KIF5B: variants seen among roughly 807,000 people sequenced by gnomAD.
KIF5B encodes kinesin family member 5B, also known as kinesin-1 heavy chain.
Under a neutral mutation model 132.8 loss-of-function variants are expected in KIF5B, and 49 were observed. That is an observed-to-expected ratio of 0.37 (90% CI 0.29 to 0.47). The LOEUF (loss-of-function observed/expected upper bound fraction) is 0.47, where lower values mean the gene tolerates loss of function less well. Ranked by LOEUF, KIF5B falls within the 20% of genes least tolerant of loss-of-function variation. The pLI is 1.00. For synonymous variants in KIF5B, 355 were observed against 369.4 expected (o/e 0.96, Z 0.45); for missense variants, 780 against 1,144.0 (o/e 0.68, Z 4.59).
chr10:32,022,229 T>G lies in KIF5B; in HGVS notation c.1943A>C (p.Glu648Ala), dbSNP rs769666829. The change falls in exon 17 of 26, where the codon GAA (glutamate) becomes GCA (alanine). Residue 648 changes from glutamate to alanine, a missense_variant. Physicochemically the swap from Glu to Ala is moderately radical, Grantham distance 107 (BLOSUM62 -1). Transcript: ENST00000302418. The stretch of plus-strand genomic sequence containing the variant: ...CTTTTGTTCCACATTTTGAAGGTAT[T>G]CAGTCAATGACTTGATTTTGGCTTC... ...QHEAKIKSLT[E>A]YLQNVEQKKR... is the part of the protein sequence containing the mutation. 3 of 1,612,494 alleles carry G rather than the reference T, an allele frequency of 1.9e-6. No individual in the cohort carries two copies. The highest frequency in any genetic ancestry group is 4.5e-5 in the East Asian group (2 of 44,844).
At chr10:32,043,749 GCC>G (rs200285937) in intron 2 of KIF5B, among the ~76,000 whole-genome samples, 13,743 of 152,198 alleles carry the variant, frequency 0.09, 732 homozygotes, top group Non-Finnish European at 0.12. Context: ...AATGTTAATA[GCC>G]CTACATAAAA....
intron 10 of KIF5B, 110 bp downstream of exon 10, chr10:32,035,412 G>A (rs1476137827): frequency 1.1e-6 from 1 of 893,966 alleles, no homozygotes; most frequent in Non-Finnish European, 1.7e-6. Context: ...AACTGAGTGT[G>A]TCTAGCACAA....
intron 2 of KIF5B, among the ~76,000 whole-genome samples, chr10:32,041,429 A>T (rs1841537891): frequency 6.6e-6 from 1 of 152,212 alleles, no homozygotes; most frequent in Admixed American, 6.5e-5. Context: ...AAATGTCATT[A>T]CATCTACACT....
At position 32,055,699 on chromosome 10, in the gene KIF5B, C is replaced by T. The variant is rs1009368510; in HGVS notation, c.126+149G>A. 5 of 1,071,042 alleles carry T rather than the reference C, an allele frequency of 4.7e-6. No homozygotes were observed. In the Admixed American group the frequency reaches 1.3e-4, roughly 28 times the overall value. The allele number at this position is 1,071,042 out of a possible 1,614,324, so 66.3% of individuals were successfully genotyped here. A position where few individuals can be genotyped will look rare whatever the true frequency, so the allele number is the denominator to read the frequency against. On this transcript the variant is annotated intron_variant, in intron 1 of 25. Coordinates refer to ENST00000302418, the MANE Select transcript of KIF5B (RefSeq NM_004521.3). ...CACGCGAGGCTGCGCAGTCTCCCTC[C>T]ACTGGGTTATCTGAACCGGCAAACC... is the stretch of plus-strand genomic sequence containing the variant.
chr10:32,047,381 C>T (rs1484675510), intron 2 of KIF5B, among the ~76,000 whole-genome samples: 1 of 152,152 alleles, frequency 6.6e-6, no homozygotes, highest in East Asian at 1.9e-4. Context: ...CCTCAATTCT[C>T]TTGTCCCCCA....
intron 2 of KIF5B, among the ~76,000 whole-genome samples, chr10:32,044,970 AAGAAG>A (rs1311192155): frequency 2.6e-5 from 4 of 152,360 alleles, no homozygotes; most frequent in African/African-American, 9.6e-5. Context: ...ATTTTGAGAA[AAGAAG>A]AGAAATTTCA....
At chr10:32,034,369 C>G (rs1159534653) in intron 11 of KIF5B, among the ~76,000 whole-genome samples, 1 of 152,112 alleles carries the variant, frequency 6.6e-6, no homozygotes, top group Non-Finnish European at 1.5e-5. Flanking sequence ...ACCTTGGCCT[C>G]CCAAAGTGCT....
intron 14 of KIF5B, among the ~76,000 whole-genome samples, chr10:32,029,401 T>C (rs1841372266): frequency 6.6e-6 from 1 of 152,232 alleles, no homozygotes; most frequent in Admixed American, 6.5e-5. Flanking sequence ...GCCTGTACTA[T>C]ACTGTATTTG....
At chr10:32,018,185 A>C (rs775340630) in intron 22 of KIF5B, 29 bp from the exon 23 acceptor site, 21 of 1,530,010 alleles carry the variant, frequency 1.4e-5, no homozygotes, top group Non-Finnish European at 1.7e-5. Context: ...TATTACAAAA[A>C]AATTAAAAAA....
At chr10:32,037,154 T>C in intron 8 of KIF5B, 100 bp downstream of exon 8, 1 of 1,108,992 alleles carries the variant, frequency 9.0e-7, no homozygotes, top group Non-Finnish European at 1.3e-6. Flanking sequence ...CAAATCCAGT[T>C]TGGTAAGTAA....
rs770022693 is a variant in KIF5B, at chr10:32,019,843, A to G, written c.2306+15T>C. 2 of 1,532,766 alleles carry G rather than the reference A, an allele frequency of 1.3e-6. No individual in the cohort carries two copies. Among genetic ancestry groups the G allele is most frequent in the Non-Finnish European group, 1.8e-6 (2 of 1,118,978 alleles). The allele number at this position is 1,532,766 out of a possible 1,614,324, so 94.9% of individuals were successfully genotyped here. A position where few individuals can be genotyped will look rare whatever the true frequency, so the allele number is the denominator to read the frequency against. On this transcript the variant is annotated intron_variant, in intron 20 of 25. Coordinates refer to ENST00000302418, the MANE Select transcript of KIF5B (RefSeq NM_004521.3). Reference sequence around the variant, plus strand: ...AGCTTTTATTTTTAAACTTTAATTAAAAACAATTACTCACGTAAGTTCATG... The same window carrying G: ...AGCTTTTATTTTTAAACTTTAATTAGAAACAATTACTCACGTAAGTTCATG...
intron 2 of KIF5B, among the ~76,000 whole-genome samples, chr10:32,047,602 T>G (rs1841629827): frequency 6.6e-6 from 1 of 152,194 alleles, no homozygotes; most frequent in Admixed American, 6.5e-5. Flanking sequence ...GAAATTGATA[T>G]AATGAGTACA....
At chr10:32,040,610 G>A (rs985656257) in intron 2 of KIF5B, among the ~76,000 whole-genome samples, 153 bp from the exon 3 acceptor site, 1 of 129,898 alleles carries the variant, frequency 7.7e-6, no homozygotes, top group Non-Finnish European at 1.6e-5. Context: ...TCCTAGTGAG[G>A]TATAAAACAC....
Position 32,020,762 on chromosome 10 carries a change from T to G in KIF5B, c.2204+260A>C, listed in dbSNP as rs191415585. ...AAAAAAGGAAACTAAATAAAGGATT[T>G]GGAGAAGACTGTGGTATGCAATAAT... is the stretch of plus-strand genomic sequence containing the variant. On this transcript the variant is annotated intron_variant, in intron 19 of 25. Transcript: ENST00000302418. 4.9e-3 allele frequency among the ~76,000 whole-genome samples: 746 copies of G among 152,176 alleles called. 10 individuals carry two copies. Among genetic ancestry groups the G allele is most frequent in the African/African-American group, 0.017 (709 of 41,498 alleles).
At chr10:32,030,908 C>T (rs1022572664) in intron 14 of KIF5B, among the ~76,000 whole-genome samples, 165 bp downstream of exon 14, 34 of 152,258 alleles carry the variant, frequency 2.2e-4, no homozygotes, top group Middle Eastern at 3.4e-3. Flanking sequence ...TCTTCCTCCA[C>T]CTCTAAGGCT....
At position 32,009,548 on chromosome 10, in the gene KIF5B, T is replaced by TAACA. The variant is rs536219927; in HGVS notation, c.*1985_*1988dup. 290 of 152,318 alleles carry TAACA rather than the reference T, an allele frequency of 1.9e-3. 1 individual carries two copies. The highest frequency in any genetic ancestry group is 6.8e-3 in the African/African-American group (284 of 41,584). 9.4% of individuals were successfully genotyped at this position (152,318 alleles called of 1,614,324 possible). A position where few individuals can be genotyped will look rare whatever the true frequency, so the allele number is the denominator to read the frequency against. ...ACCATCAAGATACTTTTTAAAAACC[T>TAACA]AACATTGTATATTCTGAACCACATG... On this transcript the variant is annotated 3_prime_UTR_variant, in exon 26 of 26. Coordinates refer to ENST00000302418, the MANE Select transcript of KIF5B (RefSeq NM_004521.3).
In KIF5B at chr10:32,030,016, T is replaced by C. The variant is rs138228099; in HGVS notation, c.1581+1057A>G. On this transcript the variant is annotated intron_variant, in intron 14 of 25. Transcript: ENST00000302418. The stretch of plus-strand genomic sequence containing the variant: ...GACTGCTTTCTTTTAGACAAGTTAA[T>C]GTGAGCAGGGAAATAAGTGGTGGAC... Among the ~76,000 whole-genome samples the C allele has an allele frequency of 8.5e-5, 13 of 152,336 alleles. No homozygotes were observed. The East Asian group carries it at 2.5e-3, about 29-fold the overall frequency.
intron 2 of KIF5B, among the ~76,000 whole-genome samples, chr10:32,047,641 A>C (rs935247353): frequency 6.6e-6 from 1 of 152,186 alleles, no homozygotes; most frequent in Admixed American, 6.5e-5. Flanking sequence ...CACCTCATCT[A>C]TAAACCTTCT....
intron 2 of KIF5B, among the ~76,000 whole-genome samples, chr10:32,042,176 C>A (rs201325798): frequency 1.3e-5 from 2 of 151,906 alleles, no homozygotes; most frequent in East Asian, 3.9e-4. Flanking sequence ...CAAGCCAATC[C>A]TTGTTTTTAT....
Sources: gnomAD v4.1 joint callset for allele counts (sites outside exome capture counted in the v4.1 genomes callset) on GRCh38, gnomAD v4.1.1 for gene constraint, MANE v1.5 for transcripts, NCBI Gene and HGNC (gene_info 2026-07-23, HGNC 2026-07-21) for gene names.